The following TFDP2 variants were observed in gnomAD, a reference collection of about 807,000 sequenced individuals.
The protein encoded by TFDP2 is transcription factor Dp-2 (E2F dimerization partner 2).
A neutral mutation model predicts 59.3 loss-of-function variants in TFDP2; 17 were observed. The observed-to-expected ratio is 0.29, with a 90% CI of 0.20 to 0.43. TFDP2 has a LOEUF of 0.43. Among genes scored for constraint, TFDP2 ranks in the 20% least tolerant of loss-of-function variants. The pLI is 1.00. For synonymous variants in TFDP2, 180 were observed against 194.7 expected, an observed-to-expected ratio of 0.92 and a Z score of 0.63; for missense variants, 391 against 528.8, an observed-to-expected ratio of 0.74 and a Z score of 2.56.
At position 141,949,661 on chromosome 3, in the gene TFDP2, A is replaced by ACAGC. The variant is rs370628388; in HGVS notation, c.*2848_*2851dup. On this transcript the variant is annotated 3_prime_UTR_variant, in exon 13 of 13. Coordinates refer to ENST00000489671, the MANE Select transcript of TFDP2 (RefSeq NM_001178139.2). ...ATGACGCCACACGCCTGAAAGGGGG[A>ACAGC]CAGCCACACCCTCAAGGGGAAAAGG... 2 of 152,282 alleles carry ACAGC rather than the reference A, an allele frequency of 1.3e-5. No individual in the cohort carries two copies. The highest frequency in any genetic ancestry group is 4.8e-5 in the African/African-American group (2 of 41,410). 9.4% of individuals were successfully genotyped at this position (152,282 alleles called of 1,614,324 possible).
At chr3:141,968,129 C>G (rs1938421012) in intron 9 of TFDP2, among the ~76,000 whole-genome samples, 1 of 147,792 alleles carries the variant, frequency 6.8e-6, no homozygotes, top group South Asian at 2.1e-4. Flanking sequence ...CACAGGAGTT[C>G]AAGGAGGAGT....
intron 4 of TFDP2, among the ~76,000 whole-genome samples, chr3:142,002,368 A>T (rs1046238027): frequency 7.8e-6 from 1 of 128,890 alleles, no homozygotes; most frequent in Admixed American, 9.2e-5. Flanking sequence ...TATGTTGCTC[A>T]GGCTGGTCTT....
chr3:142,051,687 T>C (rs548405835), intron 3 of TFDP2, among the ~76,000 whole-genome samples: 6 of 152,342 alleles, frequency 3.9e-5, no homozygotes, highest in South Asian at 4.1e-4. Flanking sequence ...CTCAATTACA[T>C]AGTCAATTGA....
In TFDP2 at chr3:141,955,393, A is replaced by G. The variant is rs754884696; in HGVS notation, c.1052-2377T>C. Among the ~76,000 whole-genome samples the G allele has an allele frequency of 3.9e-4, 60 of 152,328 alleles. 1 individual carries two copies. Among genetic ancestry groups the G allele is most frequent in the Admixed American group, 3.9e-4 (6 of 15,306 alleles). ...GCCCTGAGCCTTTTCACTGGGAGTAAGCTAAAATAAAGTTCTGGTGATTTA... is the reference window on the plus strand; with the variant it reads ...GCCCTGAGCCTTTTCACTGGGAGTAGGCTAAAATAAAGTTCTGGTGATTTA... On this transcript the variant is annotated intron_variant, in intron 11 of 12. Transcript: ENST00000489671.
At chr3:141,954,817 C>A (rs1373055723) in intron 11 of TFDP2, among the ~76,000 whole-genome samples, 7 of 152,062 alleles carry the variant, frequency 4.6e-5, no homozygotes, top group African/African-American at 1.7e-4. Flanking sequence ...GAATCAAAAT[C>A]TTTTTGCAAT....
chr3:142,054,836 G>A (rs1162027667), intron 3 of TFDP2, among the ~76,000 whole-genome samples: 1 of 152,102 alleles, frequency 6.6e-6, no homozygotes, highest in Non-Finnish European at 1.5e-5. Context: ...GGATCAAGTG[G>A]GGAAAGACAG....
chr3:141,992,838 C>T (rs1022880063), intron 6 of TFDP2, among the ~76,000 whole-genome samples: 19 of 152,136 alleles, frequency 1.2e-4, no homozygotes, highest in African/African-American at 1.7e-4. Flanking sequence ...CAGGGCACAG[C>T]AAATCAGAGA....
intron 1 of TFDP2, among the ~76,000 whole-genome samples, chr3:142,124,665 T>G (rs751592624): frequency 3.3e-5 from 5 of 152,260 alleles, no homozygotes; most frequent in Non-Finnish European, 4.4e-5. Flanking sequence ...TTTCTAAATA[T>G]GAAACCAAGC....
chr3:142,096,551 T>C (rs1020732804), intron 2 of TFDP2, among the ~76,000 whole-genome samples: 3 of 152,170 alleles, frequency 2.0e-5, no homozygotes, highest in African/African-American at 7.2e-5. Context: ...ATTTAAGGTA[T>C]AAAACATGAT....
chr3:142,127,923 G>A (rs900751676), intron 1 of TFDP2, among the ~76,000 whole-genome samples: 1 of 152,018 alleles, frequency 6.6e-6, no homozygotes, highest in Non-Finnish European at 1.5e-5. Context: ...CCTTCTGGCT[G>A]AGCCCAGTGG....
intron 9 of TFDP2, among the ~76,000 whole-genome samples, chr3:141,966,152 CATA>C (rs1938019324): frequency 6.6e-6 from 1 of 151,906 alleles, no homozygotes; most frequent in Non-Finnish European, 1.5e-5. Context: ...GCAGTAAAAA[CATA>C]ATGTTTTTAT....
At chr3:142,030,369 A>G (rs575293992) in intron 3 of TFDP2, among the ~76,000 whole-genome samples, 1 of 152,230 alleles carries the variant, frequency 6.6e-6, no homozygotes, top group Non-Finnish European at 1.5e-5. Context: ...AAAATTCTAT[A>G]AAGTAAGTTT....
At chr3:142,078,313 C>G (rs1321661340) in intron 3 of TFDP2, among the ~76,000 whole-genome samples, 1 of 152,134 alleles carries the variant, frequency 6.6e-6, no homozygotes, top group African/African-American at 2.4e-5. Flanking sequence ...ATTGTAAAGC[C>G]CCAGGGCCTT....
chr3:142,011,503 G>A (rs1576691769), intron 3 of TFDP2, among the ~76,000 whole-genome samples: 1 of 136,860 alleles, frequency 7.3e-6, no homozygotes, highest in South Asian at 2.5e-4. Flanking sequence ...TGACGAGTTA[G>A]TGGGTGCAGC....
At chr3:142,027,937 T>C (rs1946214010) in intron 3 of TFDP2, among the ~76,000 whole-genome samples, 1 of 152,030 alleles carries the variant, frequency 6.6e-6, no homozygotes, top group Non-Finnish European at 1.5e-5. Context: ...TAATAAACCA[T>C]AAAGCAGTGG....
At chr3:141,995,201 GA>G in intron 4 of TFDP2, 60 bp from the exon 5 acceptor site, 1 of 1,382,602 alleles carries the variant, frequency 7.2e-7, no homozygotes, top group Non-Finnish European at 9.6e-7. Context: ...CCTACAGGCA[GA>G]AAATAACATT....
chr3:141,986,201 C>T (rs952711728), intron 6 of TFDP2, among the ~76,000 whole-genome samples: 3 of 152,308 alleles, frequency 2.0e-5, no homozygotes, highest in Middle Eastern at 3.4e-3. Context: ...CCTGTCCCAT[C>T]GTCTAGTGAC....
Position 141,958,012 on chromosome 3 carries a change from T to C in TFDP2, c.1051+1662A>G, listed in dbSNP as rs184479201. Among the ~76,000 whole-genome samples the C allele has an allele frequency of 2.8e-4, 42 of 152,274 alleles. No individual in the cohort carries two copies. In the East Asian group the frequency reaches 7.5e-3, roughly 27 times the overall value. On this transcript the variant is annotated intron_variant, in intron 11 of 12. Coordinates refer to ENST00000489671, the MANE Select transcript of TFDP2 (RefSeq NM_001178139.2). ...ATTTAGAAAAGCTACAATGGTATCA[T>C]TTCAGACCCACCTGATTAGGAAAAT... is the stretch of plus-strand genomic sequence containing the variant.
At chr3:142,043,973 T>G (rs1947176186) in intron 3 of TFDP2, 3 of 732,250 alleles carry the variant, frequency 4.1e-6, no homozygotes, top group Non-Finnish European at 7.5e-6. Flanking sequence ...CCTATGCCAC[T>G]GTGCCTGCCT....
Sources: gnomAD v4.1 joint callset for allele counts (sites outside exome capture counted in the v4.1 genomes callset) on GRCh38, gnomAD v4.1.1 for gene constraint, MANE v1.5 for transcripts, NCBI Gene and HGNC (gene_info 2026-07-23, HGNC 2026-07-21) for gene names.